SOX6: variants seen among roughly 807,000 people sequenced by gnomAD.
SOX6 encodes transcription factor SOX-6.
A neutral mutation model predicts 97.8 loss-of-function variants in SOX6; 11 were observed. The observed-to-expected ratio is 0.11, with a 90% confidence interval of 0.07 to 0.19. SOX6 has a LOEUF of 0.19. SOX6 is among the 10% of genes least tolerant of loss of function. The pLI is 1.00. For missense variants in SOX6, 810 were observed against 1,039.5 expected (o/e 0.78, Z 3.04); for synonymous variants, 360 against 371.4 (o/e 0.97, Z 0.35).
chr11:16,214,530 G>C (rs891014591), intron 4 of SOX6, among the ~76,000 whole-genome samples: 4 of 151,994 alleles, frequency 2.6e-5, no homozygotes, highest in Non-Finnish European at 5.9e-5. Context: ...GGACCTCTCT[G>C]ATCCCTTAGA....
At chr11:16,567,561 C>CTTTTATTTTTTTTTT (rs1847887245) in intron 4 of SOX6, among the ~76,000 whole-genome samples, 1 of 87,322 alleles carries the variant, frequency 1.1e-5, no homozygotes, top group African/African-American at 4.1e-5. Flanking sequence ...ATATTTTTTT[C>CTTTTATTTTTTTTTT]TTTTTTTTTT....
At chr11:16,705,150 C>T (rs947020460) in intron 3 of SOX6, among the ~76,000 whole-genome samples, 15 of 151,646 alleles carry the variant, frequency 9.9e-5, no homozygotes, top group Non-Finnish European at 1.8e-4. Flanking sequence ...CCCAGCTACT[C>T]GGAAGCCTGA....
chr11:16,131,831 T>C (rs1849747278), intron 6 of SOX6, among the ~76,000 whole-genome samples: 1 of 152,066 alleles, frequency 6.6e-6, no homozygotes, highest in Non-Finnish European at 1.5e-5. Flanking sequence ...AAAGACTATT[T>C]ATTGTATGAT....
rs1853168359 is a variant in SOX6, at chr11:15,967,405, A to C, written c.*5404T>G. ...GCATGTCAGTGAATTGTGCTGATTA[A>C]ATTAACATAGAATACAATTTCACAA... On this transcript the variant is annotated 3_prime_UTR_variant, in exon 16 of 16. Coordinates refer to ENST00000683767, the MANE Select transcript of SOX6 (RefSeq NM_001367873.1). 6.6e-6 allele frequency: 1 copy of C among 152,248 alleles called. No homozygotes were observed. Among genetic ancestry groups the C allele is most frequent in the African/African-American group, 2.4e-5 (1 of 41,466 alleles). 9.4% of individuals were successfully genotyped at this position (152,248 alleles called of 1,614,324 possible). A position where few individuals can be genotyped will look rare whatever the true frequency, so the allele number is the denominator to read the frequency against.
At chr11:16,058,481 C>G (rs1341098601) in intron 9 of SOX6, among the ~76,000 whole-genome samples, 1 of 151,966 alleles carries the variant, frequency 6.6e-6, no homozygotes, top group Non-Finnish European at 1.5e-5. Flanking sequence ...ACTGGAAGGT[C>G]TAAGTATGGG....
At chr11:16,445,200 A>G (rs2133089945) in intron 1 of SOX6, among the ~76,000 whole-genome samples, 1 of 152,306 alleles carries the variant, frequency 6.6e-6, no homozygotes, top group East Asian at 1.9e-4. Flanking sequence ...AAATACATAA[A>G]CATGGTAACA....
At chr11:16,415,197 A>G (rs1858901972) in intron 1 of SOX6, among the ~76,000 whole-genome samples, 1 of 152,180 alleles carries the variant, frequency 6.6e-6, no homozygotes. Flanking sequence ...TTAATTTGGC[A>G]TGTAAATAAA....
chr11:16,437,403 T>C (rs1276370824), intron 1 of SOX6, among the ~76,000 whole-genome samples: 1 of 152,090 alleles, frequency 6.6e-6, no homozygotes, highest in Non-Finnish European at 1.5e-5. Flanking sequence ...CCCCACTAGA[T>C]TGTGAGCTCC....
chr11:16,108,889 A>T (rs1309632736), intron 7 of SOX6, among the ~76,000 whole-genome samples: 1 of 152,160 alleles, frequency 6.6e-6, no homozygotes, highest in Non-Finnish European at 1.5e-5. Context: ...CTTAACATGG[A>T]TTCAGAAACA....
chr11:16,342,434 A>T (rs972818719), intron 1 of SOX6, among the ~76,000 whole-genome samples: 17 of 151,884 alleles, frequency 1.1e-4, no homozygotes, highest in East Asian at 3.9e-4. Flanking sequence ...ACCATTTTTT[A>T]AAAAATGCAC....
intron 1 of SOX6, among the ~76,000 whole-genome samples, chr11:16,370,166 G>A (rs1857463946): frequency 6.6e-6 from 1 of 152,026 alleles, no homozygotes; most frequent in Non-Finnish European, 1.5e-5. Context: ...AAGCTTGTAG[G>A]TTTCAGTAAC....
intron 6 of SOX6, among the ~76,000 whole-genome samples, chr11:16,137,690 G>C (rs930263956): frequency 2.6e-5 from 4 of 152,224 alleles, no homozygotes; most frequent in Admixed American, 2.6e-4. Context: ...TGTCTGATAT[G>C]GTTTGGCTGT....
intron 1 of SOX6, among the ~76,000 whole-genome samples, chr11:16,381,152 C>A (rs913418445): frequency 6.6e-6 from 1 of 151,650 alleles, no homozygotes; most frequent in African/African-American, 2.4e-5. Flanking sequence ...GATGGTAATA[C>A]CATGAGACAA....
chr11:16,734,102 T>C (rs1848372925), intron 2 of SOX6, among the ~76,000 whole-genome samples: 1 of 152,046 alleles, frequency 6.6e-6, no homozygotes, highest in South Asian at 2.1e-4. Context: ...ACATTTTTCA[T>C]TTCCCTTTTC....
chr11:16,188,711 A>T (rs1851549112), intron 4 of SOX6, among the ~76,000 whole-genome samples: 1 of 152,176 alleles, frequency 6.6e-6, no homozygotes, highest in South Asian at 2.1e-4. Context: ...AGAACTAAGG[A>T]CAGCATGGCA....
At chr11:16,298,413 T>G (rs1315756961) in intron 3 of SOX6, among the ~76,000 whole-genome samples, 1 of 151,810 alleles carries the variant, frequency 6.6e-6, no homozygotes, top group African/African-American at 2.4e-5. Flanking sequence ...AATTTATGTG[T>G]TTTTTTTAGA....
intron 3 of SOX6, chr11:16,316,918 AAC>A (rs1156569915): frequency 6.6e-6 from 1 of 152,060 alleles, no homozygotes; most frequent in Non-Finnish European, 1.5e-5. Flanking sequence ...ATCTCTCAGC[AAC>A]ACCTCCAGAA....
intron 4 of SOX6, among the ~76,000 whole-genome samples, chr11:16,198,821 G>T (rs1361541416): frequency 6.6e-6 from 1 of 152,146 alleles, no homozygotes; most frequent in Non-Finnish European, 1.5e-5. Flanking sequence ...CACTCTCTTT[G>T]CTCCCTACCC....
intron 6 of SOX6, among the ~76,000 whole-genome samples, chr11:16,177,614 T>A (rs1851229835): frequency 7.2e-6 from 1 of 138,918 alleles, no homozygotes; most frequent in African/African-American, 2.7e-5. Flanking sequence ...GCTCTGAGAA[T>A]AAGATGATCT....
Sources: gnomAD v4.1 joint callset for allele counts (sites outside exome capture counted in the v4.1 genomes callset) on GRCh38, gnomAD v4.1.1 for gene constraint, MANE v1.5 for transcripts, NCBI Gene and HGNC (gene_info 2026-07-23, HGNC 2026-07-21) for gene names.